The following VAPB variants were observed in gnomAD, a reference collection of about 807,000 sequenced individuals.
VAPB encodes the protein vesicle-associated membrane protein-associated protein B/C.
VAPB carries 7 observed loss-of-function variants against 25.6 expected under a neutral mutation model. That is an observed-to-expected ratio of 0.27 (90% confidence interval 0.16 to 0.51). VAPB has a LOEUF of 0.51. Among genes scored for constraint, VAPB ranks in the 20% least tolerant of loss-of-function variants. The pLI is 0.97. For synonymous variants in VAPB, 112 were observed against 109.2 expected, an observed-to-expected ratio of 1.03 and a Z score of -0.16; for missense variants, 266 against 301.3, an observed-to-expected ratio of 0.88 and a Z score of 0.87.
Position 58,447,465 on chromosome 20 carries a change from A to AG in VAPB, c.*3235dup. The AG allele has an allele frequency of 4.4e-6, 2 of 454,126 alleles. No homozygotes were observed. Among genetic ancestry groups the AG allele is most frequent in the South Asian group, 1.6e-5 (1 of 64,478 alleles). The allele number at this position is 454,126 out of a possible 1,614,324, so 28.1% of individuals were successfully genotyped here. On this transcript the variant is annotated 3_prime_UTR_variant, in exon 6 of 6. Transcript: ENST00000475243. ...ACGACTTATACCTCCATAACACAGA[A>AG]GGGGGAAAAATGAAGAACCTCCAGT... is the stretch of plus-strand genomic sequence containing the variant.
intron 1 of VAPB, 26 bp downstream of exon 1, chr20:58,389,543 C>T: frequency 6.4e-7 from 1 of 1,558,456 alleles, no homozygotes; most frequent in African/African-American, 1.4e-5. Flanking sequence ...CGCCACCTTC[C>T]TGCCCGCGGC....
intron 1 of VAPB, among the ~76,000 whole-genome samples, chr20:58,392,090 T>A (rs529020735): frequency 1.3e-5 from 2 of 152,368 alleles, no homozygotes; most frequent in Non-Finnish European, 2.9e-5. Context: ...TTTAAGATTT[T>A]GTTCAATTGT....
rs369268932 is a variant in VAPB at position 58,393,454 on chromosome 20, CCTCA to C, written c.58+3941_58+3944del. On this transcript the variant is annotated intron_variant, in intron 1 of 5. Coordinates refer to ENST00000475243, the MANE Select transcript of VAPB (RefSeq NM_004738.5). ...AGTCCTAATCGTTTCCTTGCCATCT[CCTCA>C]CTCTGAGATCCCACTTGTTGTCCAG... Among the ~76,000 whole-genome samples, 74 of 152,310 alleles carry C rather than the reference CCTCA, an allele frequency of 4.9e-4. No homozygotes were observed. In the East Asian group the frequency reaches 0.011, roughly 22 times the overall value.
Position 58,450,993 on chromosome 20 carries a change from C to T in VAPB, c.*6758C>T. The T allele has an allele frequency of 2.2e-6, 1 of 453,836 alleles. No homozygotes were observed. Among genetic ancestry groups the T allele is most frequent in the South Asian group, 1.6e-5 (1 of 64,434 alleles). The allele number at this position is 453,836 out of a possible 1,614,324, so 28.1% of individuals were successfully genotyped here. ...AAAGAGCCATTTACAGCATGTTCTC[C>T]CATGTTCCATTATCAGCCTGATGAA... On this transcript the variant is annotated 3_prime_UTR_variant, in exon 6 of 6. Transcript: ENST00000475243.
At chr20:58,423,446 A>AAAAAAAAAAAAAAAAAAC (rs1568711839) in intron 2 of VAPB, among the ~76,000 whole-genome samples, 2 of 145,322 alleles carry the variant, frequency 1.4e-5, no homozygotes, top group East Asian at 2.0e-4. Flanking sequence ...AAAAAAAAAA[A>AAAAAAAAAAAAAAAAAAC]AAAGAAAAGA....
At chr20:58,395,406 C>T (rs541535092) in intron 1 of VAPB, among the ~76,000 whole-genome samples, 1 of 152,130 alleles carries the variant, frequency 6.6e-6, no homozygotes, top group Admixed American at 6.5e-5. Flanking sequence ...ACCTCGGCCT[C>T]CCAAAGTGCT....
intron 1 of VAPB, among the ~76,000 whole-genome samples, chr20:58,404,661 A>G (rs749682781): frequency 1.3e-5 from 2 of 152,258 alleles, no homozygotes; most frequent in Non-Finnish European, 2.9e-5. Context: ...TTAGGAGTAT[A>G]CAAATTAACA....
chr20:58,435,363 T>A (rs1418205019), intron 3 of VAPB, among the ~76,000 whole-genome samples: 2 of 152,118 alleles, frequency 1.3e-5, no homozygotes, highest in African/African-American at 4.8e-5. Context: ...ATTGGCATTC[T>A]GGGGCTGGGA....
intron 2 of VAPB, among the ~76,000 whole-genome samples, chr20:58,424,723 C>A (rs1038503267): frequency 6.6e-6 from 1 of 152,182 alleles, no homozygotes; most frequent in African/African-American, 2.4e-5. Flanking sequence ...CCTCATCTTC[C>A]ATTGATACTG....
chr20:58,396,151 A>C (rs1456952780), intron 1 of VAPB, among the ~76,000 whole-genome samples: 1 of 152,184 alleles, frequency 6.6e-6, no homozygotes, highest in East Asian at 1.9e-4. Context: ...ATAGAACTGT[A>C]AAGCTACAGA....
intron 2 of VAPB, among the ~76,000 whole-genome samples, chr20:58,420,880 A>G (rs562151960): frequency 7.7e-4 from 117 of 152,364 alleles, no homozygotes; most frequent in South Asian, 5.8e-3. Flanking sequence ...TTTATTAGAC[A>G]TGCATAGCTT....
intron 2 of VAPB, among the ~76,000 whole-genome samples, chr20:58,425,409 C>G (rs1279233473): frequency 6.6e-6 from 1 of 152,188 alleles, no homozygotes; most frequent in Non-Finnish European, 1.5e-5. Flanking sequence ...GAGCATGATT[C>G]AGGAACGCTT....
intron 2 of VAPB, among the ~76,000 whole-genome samples, chr20:58,429,090 T>A (rs949784589): frequency 3.9e-5 from 6 of 151,920 alleles, no homozygotes; most frequent in Non-Finnish European, 5.9e-5. Context: ...ATTTCAAAGA[T>A]GAGATTCTGA....
At chr20:58,420,110 C>T (rs142045181) in intron 2 of VAPB, among the ~76,000 whole-genome samples, 45 of 152,108 alleles carry the variant, frequency 3.0e-4, no homozygotes, top group African/African-American at 1.0e-3. Context: ...CTCAGCCTCC[C>T]GAGTAGCTAG....
intron 1 of VAPB, among the ~76,000 whole-genome samples, chr20:58,405,655 G>C (rs1013819947): frequency 6.6e-6 from 1 of 150,890 alleles, no homozygotes; most frequent in African/African-American, 2.4e-5. Flanking sequence ...ATGTTGCCCA[G>C]GCTGGTCTTG....
chr20:58,412,803 C>A (rs1426131016), intron 1 of VAPB, among the ~76,000 whole-genome samples: 1 of 152,020 alleles, frequency 6.6e-6, no homozygotes, highest in Non-Finnish European at 1.5e-5. Context: ...TGAAGGGAAG[C>A]GTTTTAATTT....
intron 1 of VAPB, among the ~76,000 whole-genome samples, chr20:58,393,219 T>TA (rs1457636486): frequency 1.3e-5 from 2 of 152,116 alleles, no homozygotes; most frequent in Non-Finnish European, 2.9e-5. Flanking sequence ...TTTGTAAAGA[T>TA]AGAGTCTTGC....
chr20:58,449,561 A>G lies in VAPB; in HGVS notation c.*5326A>G. On this transcript the variant is annotated 3_prime_UTR_variant, in exon 6 of 6. Transcript: ENST00000475243. ...TATCTAACTTGCCATAAATATTTGC[A>G]GTTATGATACCTTGGAATGTTGCCA... 1 of 454,154 alleles carries G rather than the reference A, an allele frequency of 2.2e-6. No individual in the cohort carries two copies. The highest frequency in any genetic ancestry group is 1.6e-5 in the South Asian group (1 of 64,480). The allele number at this position is 454,154 out of a possible 1,614,324, so 28.1% of individuals were successfully genotyped here. A position where few individuals can be genotyped will look rare whatever the true frequency, so the allele number is the denominator to read the frequency against.
At chr20:58,414,344 C>A (rs1307294032) in intron 1 of VAPB, among the ~76,000 whole-genome samples, 5 of 149,090 alleles carry the variant, frequency 3.4e-5, no homozygotes, top group Non-Finnish European at 7.5e-5. Context: ...ACCTCCCTCC[C>A]GGACGGGGCG....
Sources: allele counts gnomAD v4.1 joint callset (sites outside exome capture counted in the v4.1 genomes callset), GRCh38; gene constraint gnomAD v4.1.1; transcripts MANE v1.5; gene names NCBI Gene and HGNC (gene_info 2026-07-23, HGNC 2026-07-21).